PCDH15: variants seen among roughly 807,000 people sequenced by gnomAD.
The protein encoded by PCDH15 is protocadherin-15.
PCDH15 carries 129 observed loss-of-function variants against 178.5 expected under a neutral mutation model. That is an observed-to-expected ratio of 0.72 (90% CI 0.63 to 0.84). The LOEUF (loss-of-function observed/expected upper bound fraction) is 0.84. Among genes scored for constraint, PCDH15 ranks in the 40% least tolerant of loss-of-function variants. The probability of loss-of-function intolerance (pLI) is 0.00; values close to 1 mark genes in which losing one functional copy is unlikely to be tolerated. For synonymous variants in PCDH15, 800 were observed against 732.0 expected, an observed-to-expected ratio of 1.09 and a Z score of -1.50; for missense variants, 2,230 against 2,099.9, an observed-to-expected ratio of 1.06 and a Z score of -1.21.
intron 28 of PCDH15, among the ~76,000 whole-genome samples, chr10:53,856,252 A>T (rs1016267): frequency 0.41 from 61,107 of 150,422 alleles, 16,358 homozygotes; most frequent in East Asian, 0.98. Context: ...AGAAAAAAAA[A>T]TTTAAAATAA....
Position 54,498,857 on chromosome 10 carries a change from T to C in PCDH15, c.157+28955A>G, listed in dbSNP as rs115111398. Among the ~76,000 whole-genome samples the C allele has an allele frequency of 6.8e-3, 1,042 of 152,248 alleles. 18 individuals carry two copies. Among genetic ancestry groups the C allele is most frequent in the African/African-American group, 0.024 (1,003 of 41,564 alleles). ...CCACAGGCTATACAGGAAGCACGGC[T>C]GGGAGGGCCCAGGAAACTTTCAATC... On this transcript the variant is annotated intron_variant, in intron 3 of 37. Transcript: ENST00000644397.
rs186788774 is a variant in PCDH15 at position 54,535,261 on chromosome 10, A to C, written c.92-7384T>G. On this transcript the variant is annotated intron_variant, in intron 2 of 37. Transcript: ENST00000644397. ...GTAATTACTCAACATCATTGCTTTC[A>C]TCAATACAATTTACTCTAGAGACCA... Among the ~76,000 whole-genome samples the C allele has an allele frequency of 8.3e-3, 1,264 of 152,330 alleles. 17 individuals are homozygous for C. Among genetic ancestry groups the C allele is most frequent in the African/African-American group, 0.029 (1,192 of 41,564 alleles).
intron 2 of PCDH15, among the ~76,000 whole-genome samples, chr10:55,438,364 T>C (rs1228558410): frequency 6.6e-6 from 1 of 152,138 alleles, no homozygotes; most frequent in Non-Finnish European, 1.5e-5. Flanking sequence ...TTATTAAATA[T>C]GAAAGTTTCA....
At chr10:54,829,890 A>G (rs1055653341) in intron 3 of PCDH15, among the ~76,000 whole-genome samples, 5 of 152,142 alleles carry the variant, frequency 3.3e-5, no homozygotes, top group Non-Finnish European at 7.4e-5. Context: ...TATCACATCA[A>G]TGAATGGAGT....
intron 2 of PCDH15, chr10:55,599,909 C>G (rs999299946): frequency 1.3e-6 from 2 of 1,522,610 alleles, no homozygotes; most frequent in Non-Finnish European, 1.8e-6. Context: ...AATGGCCACA[C>G]CAGGGTTTAG....
intron 2 of PCDH15, among the ~76,000 whole-genome samples, chr10:54,947,189 G>A (rs1229455467): frequency 6.6e-6 from 1 of 151,870 alleles, no homozygotes; most frequent in Non-Finnish European, 1.5e-5. Flanking sequence ...AACATTTCTA[G>A]AGTACTTACC....
intron 19 of PCDH15, among the ~76,000 whole-genome samples, chr10:54,022,514 G>T (rs2092955436): frequency 1.3e-5 from 2 of 151,962 alleles, no homozygotes; most frequent in Admixed American, 1.3e-4. Flanking sequence ...AGATAAATGT[G>T]AAATAAATTT....
intron 27 of PCDH15, 90 bp downstream of exon 27, chr10:53,866,552 A>T: frequency 1.0e-6 from 1 of 959,688 alleles, no homozygotes; most frequent in Non-Finnish European, 1.7e-6. Flanking sequence ...AACCCGTTTT[A>T]AATTAATCTT....
intron 10 of PCDH15, among the ~76,000 whole-genome samples, chr10:54,203,738 G>A (rs1276036858): frequency 1.3e-5 from 2 of 152,208 alleles, no homozygotes; most frequent in East Asian, 3.9e-4. Flanking sequence ...ATATACAAGG[G>A]TGTAATTTTT....
chr10:55,435,592 T>C (rs2132062129), intron 2 of PCDH15, among the ~76,000 whole-genome samples: 1 of 152,138 alleles, frequency 6.6e-6, no homozygotes. Context: ...CCCATCCTCC[T>C]GCTCTGCAAA....
intron 32 of PCDH15, chr10:53,821,372 C>CGGTAGTATTTCTTCTTACCA (rs2076261918): frequency 1.0e-6 from 1 of 993,922 alleles, no homozygotes. Context: ...TATTTTACTT[C>CGGTAGTATTTCTTCTTACCA]GGTAGTATTT....
chr10:55,371,696 C>A (rs541727076), intron 2 of PCDH15, among the ~76,000 whole-genome samples: 1 of 152,148 alleles, frequency 6.6e-6, no homozygotes, highest in Admixed American at 6.6e-5. Context: ...CTGAAGCCTC[C>A]CAGCCATGTT....
chr10:54,241,882 AATT>A (rs2055342083), intron 8 of PCDH15, among the ~76,000 whole-genome samples: 1 of 151,562 alleles, frequency 6.6e-6, no homozygotes, highest in African/African-American at 2.4e-5. Context: ...AGAACCTTAA[AATT>A]ATTATTTTAA....
rs2795923 is a variant in PCDH15 at position 54,340,755 on chromosome 10, C to A, written c.594+5610G>T. Among the ~76,000 whole-genome samples, 452 of 152,004 alleles carry A rather than the reference C, an allele frequency of 3.0e-3. 2 individuals carry two copies. The highest frequency in any genetic ancestry group is 9.9e-3 in the African/African-American group (409 of 41,420). On this transcript the variant is annotated intron_variant, in intron 6 of 37. Coordinates refer to ENST00000644397, the MANE Select transcript of PCDH15 (RefSeq NM_001384140.1). ...ACATTGGCATGGTTTGGGGGTTTGC[C>A]ATTCTCCTCCCTTGATTTTTCTTTT...
chr10:54,362,171 G>A (rs995718385), intron 5 of PCDH15, among the ~76,000 whole-genome samples: 1 of 151,894 alleles, frequency 6.6e-6, no homozygotes, highest in African/African-American at 2.4e-5. Flanking sequence ...ACTTATTATT[G>A]TAAAATACCT....
intron 2 of PCDH15, among the ~76,000 whole-genome samples, chr10:55,578,252 C>T (rs1335055885): frequency 6.6e-6 from 1 of 152,038 alleles, no homozygotes; most frequent in Non-Finnish European, 1.5e-5. Flanking sequence ...GAGTCTCACT[C>T]TATCACCCAG....
At chr10:54,828,170 T>A (rs1953161319) in intron 3 of PCDH15, among the ~76,000 whole-genome samples, 1 of 151,974 alleles carries the variant, frequency 6.6e-6, no homozygotes, top group Non-Finnish European at 1.5e-5. Context: ...ATTTTCAGTA[T>A]GCTCGAAGCA....
intron 1 of PCDH15, among the ~76,000 whole-genome samples, chr10:54,745,048 A>C (rs1945276327): frequency 6.6e-6 from 1 of 152,154 alleles, no homozygotes; most frequent in African/African-American, 2.4e-5. Context: ...TTATGACATG[A>C]ATTATATTTT....
At chr10:54,116,001 T>G (rs1475291233) in intron 15 of PCDH15, among the ~76,000 whole-genome samples, 6 of 152,058 alleles carry the variant, frequency 3.9e-5, no homozygotes, top group Non-Finnish European at 8.8e-5. Flanking sequence ...GAGGTTAAAG[T>G]TGAAAGAAGG....
Sources: gnomAD v4.1 joint callset for allele counts (sites outside exome capture counted in the v4.1 genomes callset) on GRCh38, gnomAD v4.1.1 for gene constraint, MANE v1.5 for transcripts, NCBI Gene and HGNC (gene_info 2026-07-23, HGNC 2026-07-21) for gene names.